The following HEATR4 variants were observed in gnomAD, a reference collection of about 807,000 sequenced individuals.
The protein encoded by HEATR4 is HEAT repeat containing 4.
In HEATR4, 95 loss-of-function variants were observed where a neutral mutation model predicts 108.8. The observed-to-expected ratio is 0.87, with a 90% CI of 0.74 to 1.04. The LOEUF is 1.04. HEATR4 is among the 50% of genes least tolerant of loss of function. The pLI, the probability that HEATR4 is intolerant of heterozygous loss-of-function variation, is 0.00. For missense variants in HEATR4, 1,152 were observed against 1,253.8 expected, an observed-to-expected ratio of 0.92 and a Z score of 1.23; for synonymous variants, 443 against 459.4, an observed-to-expected ratio of 0.96 and a Z score of 0.46.
At chr14:73,507,408 C>T (rs1489468487) in intron 9 of HEATR4, among the ~76,000 whole-genome samples, 3 of 152,180 alleles carry the variant, frequency 2.0e-5, no homozygotes, top group Admixed American at 2.0e-4. Flanking sequence ...TCAACCCAAC[C>T]GGCTGCATTT....
At chr14:73,568,989 A>T in the HEATR4 span, 1 of 518,050 alleles carries the variant, frequency 1.9e-6, no homozygotes, top group East Asian at 3.1e-5. Flanking sequence ...GAGCCTGGAG[A>T]CTGCTAGCTG....
Position 73,492,915 on chromosome 14 carries a change from T to A in HEATR4, c.2844+151A>T, listed in dbSNP as rs1488055559. 1.2e-6 allele frequency: 2 copies of A among 1,613,474 alleles called. No individual in the cohort carries two copies. The highest frequency in any genetic ancestry group is 4.5e-5 in the East Asian group (2 of 44,852). On this transcript the variant is annotated intron_variant, in intron 17 of 17. Transcript: ENST00000553558. This position sits in a 1 kb window ranked among gnomAD's most constrained non-coding sequence, Gnocchi z 4.9. ...ACGTTGTATGATAAGGGGCTGCTGC[T>A]CACTAAGATGCCTCTAGCCCTAAAT...
intron 1 of HEATR4, among the ~76,000 whole-genome samples, chr14:73,538,811 T>C (rs1888973879): frequency 9.0e-6 from 1 of 110,888 alleles, no homozygotes; most frequent in South Asian, 2.9e-4. Context: ...CTACTAAAAA[T>C]ACAAAAATTA....
In HEATR4 at chr14:73,501,300, T is replaced by G. The variant is rs1200907436; in HGVS notation, c.2106-570A>C. Among the ~76,000 whole-genome samples the G allele has an allele frequency of 2.6e-5, 4 of 152,126 alleles. No individual in the cohort carries two copies. The East Asian group carries it at 5.8e-4, about 22-fold the overall frequency. Reference sequence around the variant, plus strand: ...CGCCTGGCTAATTTTGTTTTTCTTGTATTTTTAGTAGAGATGGGGTTTCAC... The same window carrying G: ...CGCCTGGCTAATTTTGTTTTTCTTGGATTTTTAGTAGAGATGGGGTTTCAC... On this transcript the variant is annotated intron_variant, in intron 11 of 17. Transcript: ENST00000553558.
the HEATR4 span, among the ~76,000 whole-genome samples, chr14:73,625,279 C>T: frequency 6.6e-6 from 1 of 152,014 alleles, no homozygotes; most frequent in Non-Finnish European, 1.5e-5. Flanking sequence ...AGGGTGGTCT[C>T]GATCTCTTGA....
chr14:73,579,763 C>T, the HEATR4 span, among the ~76,000 whole-genome samples: 1 of 151,744 alleles, frequency 6.6e-6, no homozygotes, highest in Admixed American at 6.6e-5. Context: ...ACAATACCCA[C>T]GTCCAATGGG....
the HEATR4 span, among the ~76,000 whole-genome samples, chr14:73,599,759 G>A: frequency 6.6e-6 from 1 of 152,224 alleles, no homozygotes; most frequent in South Asian, 2.1e-4. Context: ...GGAGAGCATA[G>A]TCTGCCTCTT....
At chr14:73,482,788 A>G (rs1391056346) in intron 17 of HEATR4, among the ~76,000 whole-genome samples, 1 of 152,132 alleles carries the variant, frequency 6.6e-6, no homozygotes, top group Non-Finnish European at 1.5e-5. Flanking sequence ...CCACCCAAGT[A>G]GCTGAGATTA....
At chr14:73,569,935 G>T in the HEATR4 span, 1 of 1,555,100 alleles carries the variant, frequency 6.4e-7, no homozygotes, top group Non-Finnish European at 8.7e-7. Flanking sequence ...CACTTTGTGT[G>T]TCTCCCCCGC....
chr14:73,597,589 T>TTA, the HEATR4 span, among the ~76,000 whole-genome samples: 1 of 132,588 alleles, frequency 7.5e-6, no homozygotes, highest in Non-Finnish European at 1.7e-5. Flanking sequence ...CTTTTTTCTT[T>TTA]TCTTTTTTTT....
the HEATR4 span, chr14:73,631,417 T>TA: frequency 6.6e-6 from 1 of 152,388 alleles, no homozygotes; most frequent in Non-Finnish European, 1.5e-5. Flanking sequence ...CCTGAGTAGC[T>TA]AGGACAACAG....
chr14:73,510,634 C>T (rs997091732), intron 7 of HEATR4, among the ~76,000 whole-genome samples: 1 of 152,052 alleles, frequency 6.6e-6, no homozygotes, highest in Non-Finnish European at 1.5e-5. Context: ...TGAGGTTTCA[C>T]CATGTTGGCC....
chr14:73,509,864 A>ATT lies in HEATR4; in HGVS notation c.1559-392_1559-391insAA, dbSNP rs1887121653. Among the ~76,000 whole-genome samples the ATT allele has an allele frequency of 3.1e-4, 21 of 67,802 alleles. 3 individuals carry two copies. Among genetic ancestry groups the ATT allele is most frequent in the Middle Eastern group, 6.9e-3 (1 of 144 alleles). The allele number at this position is 67,802 out of a possible 152,430, so 44.5% of individuals were successfully genotyped here. On this transcript the variant is annotated intron_variant, in intron 7 of 17. Transcript: ENST00000553558. The stretch of plus-strand genomic sequence containing the variant: ...TATATATATATATATATATATATAT[A>ATT]TATATTTATTTATTTTATATATTTT...
the HEATR4 span, among the ~76,000 whole-genome samples, chr14:73,622,042 C>T: frequency 3.3e-5 from 5 of 151,982 alleles, no homozygotes; most frequent in African/African-American, 4.8e-5. Context: ...GGATTACAGG[C>T]GTGAATCACT....
At position 73,492,833 on chromosome 14, in the gene HEATR4, G is replaced by T; in HGVS notation, c.2844+233C>A. On this transcript the variant is annotated intron_variant, in intron 17 of 17. Coordinates refer to ENST00000553558, the MANE Select transcript of HEATR4 (RefSeq NM_001220484.1). This position sits in a 1 kb window ranked among gnomAD's most constrained non-coding sequence, Gnocchi z 4.9. ...GTTGCTTGGTTCTTATCCAGAGTTT[G>T]TGAGAGTGGGGGACCTGCCCTGTGA... The T allele has an allele frequency of 5.0e-6, 8 of 1,613,910 alleles. No individual in the cohort carries two copies. Among genetic ancestry groups the T allele is most frequent in the Non-Finnish European group, 6.8e-6 (8 of 1,179,888 alleles).
the HEATR4 span, among the ~76,000 whole-genome samples, chr14:73,590,477 C>G: frequency 1.3e-5 from 2 of 152,246 alleles, no homozygotes; most frequent in South Asian, 4.1e-4. Flanking sequence ...GCCGTGCGCC[C>G]GCACTTCTCA....
chr14:73,491,063 C>G (rs754502395), intron 17 of HEATR4: 5 of 1,593,210 alleles, frequency 3.1e-6, no homozygotes, highest in Admixed American at 3.5e-5. Flanking sequence ...GCGCGGGCGG[C>G]CGAAGCGCCG....
chr14:73,519,599 G>C (rs538527427), intron 4 of HEATR4, among the ~76,000 whole-genome samples: 21 of 152,198 alleles, frequency 1.4e-4, no homozygotes, highest in Non-Finnish European at 2.8e-4. Context: ...ACAAAAATTA[G>C]CTGGGTACAG....
At chr14:73,546,363 T>TG (rs1889230485) in intron 1 of HEATR4, among the ~76,000 whole-genome samples, 1 of 99,780 alleles carries the variant, frequency 1.0e-5, no homozygotes, top group African/African-American at 3.4e-5. Context: ...CATTTCGTAT[T>TG]TTTTTTTTTT....
Sources: allele counts gnomAD v4.1 joint callset (sites outside exome capture counted in the v4.1 genomes callset), GRCh38; gene constraint gnomAD v4.1.1; non-coding constraint Gnocchi (gnomAD v3.1); transcripts MANE v1.5; gene names NCBI Gene and HGNC (gene_info 2026-07-23, HGNC 2026-07-21).